Variants in PDE4D observed in about 807,000 individuals in gnomAD.
PDE4D encodes phosphodiesterase 4D.
In PDE4D, 24 loss-of-function variants were observed where a neutral mutation model predicts 87.4. The ratio of observed to expected loss-of-function variants is 0.27; its 90% confidence interval spans 0.20 to 0.39. The LOEUF (loss-of-function observed/expected upper bound fraction) is 0.39, where lower values mean the gene tolerates loss of function less well. Among genes scored for constraint, PDE4D ranks in the 10% least tolerant of loss-of-function variants. The probability of loss-of-function intolerance (pLI) is 1.00; values close to 1 mark genes in which losing one functional copy is unlikely to be tolerated. For missense variants in PDE4D, 714 were observed against 1,041.0 expected, an observed-to-expected ratio of 0.69 and a Z score of 4.32; for synonymous variants, 384 against 383.2, an observed-to-expected ratio of 1.00 and a Z score of -0.02.
At chr5:59,432,067 A>G (rs1397537649) in intron 1 of PDE4D, among the ~76,000 whole-genome samples, 1 of 152,088 alleles carries the variant, frequency 6.6e-6, no homozygotes, top group Non-Finnish European at 1.5e-5. Flanking sequence ...TTAACATGCC[A>G]AATGACACAG....
chr5:59,586,646 C>T (rs1310393679), intron 1 of PDE4D: 4 of 1,183,012 alleles, frequency 3.4e-6, no homozygotes, highest in Admixed American at 4.6e-5. Context: ...AGTCAACATA[C>T]TAAAATAACC....
At chr5:59,580,555 C>A (rs1823933240) in intron 1 of PDE4D, among the ~76,000 whole-genome samples, 2 of 151,986 alleles carry the variant, frequency 1.3e-5, no homozygotes, top group African/African-American at 4.8e-5. Context: ...TAGCCTCAAC[C>A]TTCTGAATTC....
At chr5:60,324,807 T>A (rs1756629403) in intron 1 of PDE4D, among the ~76,000 whole-genome samples, 2 of 152,238 alleles carry the variant, frequency 1.3e-5, no homozygotes, top group African/African-American at 4.8e-5. Flanking sequence ...ATATGGTTAC[T>A]GTGAACCTCA....
chr5:59,165,788 G>A (rs1393354190), intron 5 of PDE4D, among the ~76,000 whole-genome samples: 3 of 152,132 alleles, frequency 2.0e-5, no homozygotes, highest in Non-Finnish European at 2.9e-5. Flanking sequence ...ACATAGTTTG[G>A]TAGAACTGAA....
chr5:59,792,239 C>T (rs896983249), intron 1 of PDE4D, among the ~76,000 whole-genome samples: 9 of 152,204 alleles, frequency 5.9e-5, no homozygotes, highest in Admixed American at 5.9e-4. Flanking sequence ...CCATTGTACT[C>T]ATGTGGAAGC....
At chr5:59,577,355 G>A (rs1372609524) in intron 1 of PDE4D, among the ~76,000 whole-genome samples, 1 of 152,086 alleles carries the variant, frequency 6.6e-6, no homozygotes, top group East Asian at 1.9e-4. Context: ...CCATAGGAGA[G>A]GCCAAATACT....
At position 59,193,594 on chromosome 5, in the gene PDE4D, G is replaced by A. The variant is rs546597453; in HGVS notation, c.648-58C>T. Reference sequence around the variant, plus strand: ...CATCAATAACTCTGTGCTCAGTGTCGTTCAATATTAAACGGCAAGTTCCAC... The same window carrying A: ...CATCAATAACTCTGTGCTCAGTGTCATTCAATATTAAACGGCAAGTTCCAC... On this transcript the variant is annotated intron_variant, in intron 2 of 14. Transcript: ENST00000340635. 26 of 1,596,118 alleles carry A rather than the reference G, an allele frequency of 1.6e-5. No individual in the cohort carries two copies. The Middle Eastern group carries it at 6.6e-4, about 41-fold the overall frequency.
At chr5:59,355,270 G>C (rs1310825978) in intron 1 of PDE4D, among the ~76,000 whole-genome samples, 10 of 152,160 alleles carry the variant, frequency 6.6e-5, no homozygotes, top group Admixed American at 1.3e-4. Flanking sequence ...AGAAGGCAAG[G>C]TTTATAATAT....
chr5:60,424,048 G>T (rs956131335), intron 1 of PDE4D, among the ~76,000 whole-genome samples: 4 of 152,120 alleles, frequency 2.6e-5, no homozygotes, highest in African/African-American at 9.7e-5. Flanking sequence ...ATAATTAATA[G>T]CCTACCAACC....
At chr5:59,322,237 C>T (rs1774850260) in intron 1 of PDE4D, among the ~76,000 whole-genome samples, 1 of 151,994 alleles carries the variant, frequency 6.6e-6, no homozygotes, top group Admixed American at 6.6e-5. Context: ...GAAAATAGTT[C>T]AATCATTTTT....
At chr5:60,345,091 C>T (rs1047843136) in intron 1 of PDE4D, among the ~76,000 whole-genome samples, 1 of 151,838 alleles carries the variant, frequency 6.6e-6, no homozygotes, top group African/African-American at 2.4e-5. Flanking sequence ...TTAGGTCTTA[C>T]TCTCTAAAAA....
At chr5:60,356,495 A>G (rs188684597) in intron 1 of PDE4D, among the ~76,000 whole-genome samples, 234 of 152,262 alleles carry the variant, frequency 1.5e-3, no homozygotes, top group Non-Finnish European at 2.2e-3. Context: ...TTCACATCTG[A>G]ATGATAATTT....
intron 1 of PDE4D, among the ~76,000 whole-genome samples, chr5:59,886,615 C>A (rs1483846200): frequency 6.6e-6 from 1 of 152,040 alleles, no homozygotes; most frequent in Non-Finnish European, 1.5e-5. Flanking sequence ...AAAAGATATT[C>A]ATGAGTTTTC....
At chr5:59,059,567 T>A (rs1762836539) in intron 5 of PDE4D, among the ~76,000 whole-genome samples, 1 of 152,190 alleles carries the variant, frequency 6.6e-6, no homozygotes. Flanking sequence ...GGACACCCAC[T>A]ACTTTTATTT....
At chr5:60,189,893 T>C (rs1347638505) in intron 1 of PDE4D, among the ~76,000 whole-genome samples, 1 of 152,206 alleles carries the variant, frequency 6.6e-6, no homozygotes, top group African/African-American at 2.4e-5. Context: ...TGCCTCTGAG[T>C]GATCAAGGTG....
intron 1 of PDE4D, among the ~76,000 whole-genome samples, chr5:59,338,717 T>C (rs556494539): frequency 6.6e-6 from 1 of 152,298 alleles, no homozygotes; most frequent in South Asian, 2.1e-4. Flanking sequence ...GTATGCACTT[T>C]CCAAGTTCCC....
intron 1 of PDE4D, among the ~76,000 whole-genome samples, chr5:59,384,977 C>T (rs1278886844): frequency 1.2e-4 from 18 of 152,044 alleles, no homozygotes; most frequent in Admixed American, 9.8e-4. Context: ...ATTTGCTTTA[C>T]GGCTCAACTT....
intron 1 of PDE4D, among the ~76,000 whole-genome samples, chr5:59,444,999 A>G (rs1169453767): frequency 6.6e-6 from 1 of 152,166 alleles, no homozygotes; most frequent in East Asian, 1.9e-4. Flanking sequence ...CTGAGTTAGG[A>G]AAAAGTAAAT....
intron 1 of PDE4D, among the ~76,000 whole-genome samples, chr5:60,266,706 A>G (rs977810473): frequency 2.0e-5 from 3 of 152,212 alleles, no homozygotes; most frequent in African/African-American, 7.2e-5. Flanking sequence ...AATCTAGTCA[A>G]TAAGTTTCAA....
Sources: allele counts gnomAD v4.1 joint callset (sites outside exome capture counted in the v4.1 genomes callset), GRCh38; gene constraint gnomAD v4.1.1; transcripts MANE v1.5; gene names NCBI Gene and HGNC (gene_info 2026-07-23, HGNC 2026-07-21).